The following TAF2 variants were observed in gnomAD, a reference collection of about 807,000 sequenced individuals.
TAF2 encodes the protein TATA-box binding protein associated factor 2, also known as transcription initiation factor TFIID subunit 2.
TAF2 carries 61 observed loss-of-function variants against 138.5 expected under a neutral mutation model. That is an observed-to-expected ratio of 0.44 (90% CI 0.36 to 0.54). The LOEUF (loss-of-function observed/expected upper bound fraction) is 0.54, where lower values mean the gene tolerates loss of function less well. TAF2 is among the 20% of genes least tolerant of loss of function. TAF2 has a pLI of 0.00. For missense variants in TAF2, 1,090 were observed against 1,427.9 expected (o/e 0.76, Z 3.81); for synonymous variants, 475 against 469.9 (o/e 1.01, Z -0.14).
chr8:119,789,955 T>C (rs1823303057), intron 11 of TAF2, among the ~76,000 whole-genome samples: 2 of 152,050 alleles, frequency 1.3e-5, no homozygotes, highest in South Asian at 2.1e-4. Context: ...CATATAAACA[T>C]TATTGAATGT....
At chr8:119,768,582 A>G (rs1821608174) in intron 18 of TAF2, among the ~76,000 whole-genome samples, 2 of 152,212 alleles carry the variant, frequency 1.3e-5, no homozygotes, top group African/African-American at 2.4e-5. Flanking sequence ...GGCCAAGCAT[A>G]TGGTCAATTT....
intron 22 of TAF2, 62 bp from the exon 23 acceptor site, chr8:119,746,996 C>A: frequency 6.5e-7 from 1 of 1,532,534 alleles, no homozygotes; most frequent in Non-Finnish European, 9.0e-7. Flanking sequence ...TTTTAACTGT[C>A]CCAGAACCTG....
rs370142634 is a variant in TAF2, at chr8:119,757,009, T to C, written c.2769-894A>G. 1.1e-4 allele frequency among the ~76,000 whole-genome samples: 16 copies of C among 152,332 alleles called. No individual in the cohort carries two copies. The South Asian group carries it at 2.7e-3, about 26-fold the overall frequency. ...GAAGAAAGAAATTGGGTTGTAATTC[T>C]TATGGAGGTCAGCAAAACTTTAAAG... is the stretch of plus-strand genomic sequence containing the variant. On this transcript the variant is annotated intron_variant, in intron 21 of 25. Coordinates refer to ENST00000378164, the MANE Select transcript of TAF2 (RefSeq NM_003184.4).
chr8:119,832,414 A>C, intron 1 of TAF2, 68 bp downstream of exon 1: 1 of 1,490,670 alleles, frequency 6.7e-7, no homozygotes, highest in East Asian at 2.3e-5. Flanking sequence ...GTCAATTTCA[A>C]GCAATCGCAA....
intron 2 of TAF2, 92 bp from the exon 3 acceptor site, chr8:119,819,598 C>G (rs1179334482): frequency 1.9e-6 from 2 of 1,061,122 alleles, no homozygotes; most frequent in African/African-American, 1.6e-5. Flanking sequence ...ACATATTATA[C>G]TACAGAGACA....
intron 6 of TAF2, 72 bp from the exon 7 acceptor site, chr8:119,797,918 C>T (rs1242132930): frequency 1.5e-6 from 2 of 1,335,082 alleles, no homozygotes; most frequent in African/African-American, 1.5e-5. Context: ...TCCTAAACAC[C>T]TCAACTATAA....
In TAF2 at chr8:119,774,329, G is replaced by A. The variant is rs560181689; in HGVS notation, c.2364+3690C>T. On this transcript the variant is annotated intron_variant, in intron 18 of 25. Coordinates refer to ENST00000378164, the MANE Select transcript of TAF2 (RefSeq NM_003184.4). The stretch of plus-strand genomic sequence containing the variant: ...TGACTTAGAGAAAGATAACTAAAAG[G>A]TGTCTACTATTTTCCAGTATTTTAT... Among the ~76,000 whole-genome samples the A allele has an allele frequency of 8.5e-5, 13 of 152,050 alleles. No homozygotes were observed. In the East Asian group the frequency reaches 2.5e-3, roughly 29 times the overall value.
At chr8:119,802,075 A>G (rs1191569334) in intron 5 of TAF2, 50 bp from the exon 6 acceptor site, 1 of 1,438,556 alleles carries the variant, frequency 7.0e-7, no homozygotes, top group Non-Finnish European at 9.6e-7. Flanking sequence ...AGTTCTCTAC[A>G]TTGTTTTCCC....
At chr8:119,765,766 T>C (rs1394422228) in intron 18 of TAF2, among the ~76,000 whole-genome samples, 1 of 152,228 alleles carries the variant, frequency 6.6e-6, no homozygotes, top group Non-Finnish European at 1.5e-5. Flanking sequence ...CTAGGAATGA[T>C]GATAATGTTG....
chr8:119,790,335 C>T (rs1004915365), intron 11 of TAF2, among the ~76,000 whole-genome samples: 1 of 151,930 alleles, frequency 6.6e-6, no homozygotes, highest in Admixed American at 6.6e-5. Flanking sequence ...ACTCAGGAGG[C>T]TGAGATAGAT....
chr8:119,810,388 T>C (rs1050174955), intron 3 of TAF2, among the ~76,000 whole-genome samples: 2 of 152,208 alleles, frequency 1.3e-5, no homozygotes, highest in Non-Finnish European at 2.9e-5. Flanking sequence ...TGTTGATCCA[T>C]TGACCAGCTG....
rs1822935819 is a variant in TAF2, at chr8:119,785,195, A to G, written c.1859+6T>C. On this transcript the variant is annotated splice_donor_region_variant and intron_variant, in intron 15 of 25. Coordinates refer to ENST00000378164, the MANE Select transcript of TAF2 (RefSeq NM_003184.4). ...TATAACCTTATATTTAAGTTAACTAACTTACTCCATTGCAGAAAGATCCAT... is the reference window on the plus strand; with the variant it reads ...TATAACCTTATATTTAAGTTAACTAGCTTACTCCATTGCAGAAAGATCCAT... 1 of 1,609,958 alleles carries G rather than the reference A, an allele frequency of 6.2e-7. No individual in the cohort carries two copies. The highest frequency in any genetic ancestry group is 1.1e-5 in the South Asian group (1 of 90,946).
chr8:119,737,497 A>ATCTTTT (rs762319546), intron 25 of TAF2, among the ~76,000 whole-genome samples: 3 of 147,228 alleles, frequency 2.0e-5, no homozygotes, highest in Non-Finnish European at 3.0e-5. Flanking sequence ...TAAAGCTTTC[A>ATCTTTT]TCTTTTTCTT....
intron 18 of TAF2, among the ~76,000 whole-genome samples, chr8:119,776,269 T>C (rs1450915200): frequency 3.9e-5 from 6 of 152,106 alleles, no homozygotes; most frequent in Admixed American, 2.6e-4. Context: ...GCTTAAATTA[T>C]TTGAATGTTA....
chr8:119,745,089 T>C, intron 23 of TAF2: 2 of 453,698 alleles, frequency 4.4e-6, no homozygotes. Flanking sequence ...GTAGCTCATA[T>C]TATAGCTGAA....
intron 3 of TAF2, among the ~76,000 whole-genome samples, chr8:119,814,489 A>T (rs1825309213): frequency 6.6e-6 from 1 of 152,080 alleles, no homozygotes; most frequent in African/African-American, 2.4e-5. Context: ...TAACTGGATA[A>T]CTACTTCATT....
At chr8:119,828,275 A>G (rs558727693) in intron 2 of TAF2, among the ~76,000 whole-genome samples, 1 of 152,314 alleles carries the variant, frequency 6.6e-6, no homozygotes, top group Admixed American at 6.5e-5. Context: ...AGGGCACATA[A>G]CCATGATTCC....
intron 25 of TAF2, among the ~76,000 whole-genome samples, chr8:119,734,453 T>C (rs1819084585): frequency 6.6e-6 from 1 of 152,214 alleles, no homozygotes. Flanking sequence ...AAAAATTACA[T>C]TGCAGTACTA....
chr8:119,772,575 C>T (rs968441692), intron 18 of TAF2, among the ~76,000 whole-genome samples: 3 of 151,962 alleles, frequency 2.0e-5, no homozygotes, highest in African/African-American at 4.8e-5. Flanking sequence ...TGTAAAAACC[C>T]GCAGACCTAC....
Sources: gnomAD v4.1 joint callset for allele counts (sites outside exome capture counted in the v4.1 genomes callset) on GRCh38, gnomAD v4.1.1 for gene constraint, MANE v1.5 for transcripts, NCBI Gene and HGNC (gene_info 2026-07-23, HGNC 2026-07-21) for gene names.